The following JMJD7 variants were observed in gnomAD, a reference collection of about 807,000 sequenced individuals.
JMJD7 encodes the protein jumonji domain containing 7, also known as bifunctional peptidase and (3S)-lysyl hydroxylase JMJD7.
Under a neutral mutation model 41.1 loss-of-function variants are expected in JMJD7, and 41 were observed. The observed-to-expected ratio is 1.00, with a 90% CI of 0.78 to 1.30. The LOEUF is 1.30. JMJD7 is among the 50% of genes most tolerant of loss of function. The pLI, the probability that JMJD7 is intolerant of heterozygous loss-of-function variation, is 0.00. For synonymous variants in JMJD7, 202 were observed against 177.2 expected (o/e 1.14, Z -1.11); for missense variants, 480 against 420.7 (o/e 1.14, Z -1.23).
chr15:41,837,018 T>C, intron 7 of JMJD7, 50 bp from the exon 8 acceptor site: 1 of 1,609,972 alleles, frequency 6.2e-7, no homozygotes, highest in Non-Finnish European at 8.5e-7. Flanking sequence ...CTTGGGAGGC[T>C]CTAGGTCAGA....
At position 41,837,264 on chromosome 15, in the gene JMJD7, C is replaced by T. The variant is rs2065338938; in HGVS notation, c.*108C>T. The stretch of plus-strand genomic sequence containing the variant: ...TGGAGTGTGCATGCTGGCTGCTGGC[C>T]CCGGGTCCAGCATGGCTTGAGATCA... On this transcript the variant is annotated 3_prime_UTR_variant, in exon 8 of 8. Transcript: ENST00000397299. 1.4e-6 allele frequency: 1 copy of T among 731,298 alleles called. No individual in the cohort carries two copies. The allele number at this position is 731,298 out of a possible 1,614,324, so 45.3% of individuals were successfully genotyped here. A position where few individuals can be genotyped will look rare whatever the true frequency, so the allele number is the denominator to read the frequency against.
intron 1 of JMJD7, among the ~76,000 whole-genome samples, chr15:41,833,414 A>ATATATATTTTTTTT (rs1239528383): frequency 5.0e-4 from 16 of 32,010 alleles, no homozygotes; most frequent in Non-Finnish European, 7.3e-4. Context: ...ATATATATAT[A>ATATATATTTTTTTT]TTTTTTTTTT....
At chr15:41,835,390 T>A (rs891145261) in intron 3 of JMJD7, among the ~76,000 whole-genome samples, 167 bp downstream of exon 3, 2 of 152,202 alleles carry the variant, frequency 1.3e-5, no homozygotes, top group Non-Finnish European at 1.5e-5. Flanking sequence ...CATAGATGAA[T>A]TGCCAAAGAT....
Position 41,837,435 on chromosome 15 carries a change from G to A in JMJD7, c.*279G>A, listed in dbSNP as rs2065342538. On this transcript the variant is annotated 3_prime_UTR_variant, in exon 8 of 8. Coordinates refer to ENST00000397299, the MANE Select transcript of JMJD7 (RefSeq NM_001114632.2). ...TCCCCAGCGCTGTGATGTTGGGCGA[G>A]TCACTGCGTCTCGGGCATTGGTGTC... The A allele has an allele frequency of 2.0e-6, 1 of 500,976 alleles. No individual in the cohort carries two copies. Among genetic ancestry groups the A allele is most frequent in the Non-Finnish European group, 3.5e-6 (1 of 281,806 alleles). The allele number at this position is 500,976 out of a possible 1,614,324, so 31.0% of individuals were successfully genotyped here. A position where few individuals can be genotyped will look rare whatever the true frequency, so the allele number is the denominator to read the frequency against.
At chr15:41,830,386 T>C (rs1250945331) in intron 1 of JMJD7, among the ~76,000 whole-genome samples, 1 of 152,254 alleles carries the variant, frequency 6.6e-6, no homozygotes, top group African/African-American at 2.4e-5. Flanking sequence ...CCATGCCATA[T>C]GCACCTTGCC....
chr15:41,837,107 G>T lies in JMJD7; in HGVS notation c.902G>T (p.Ser301Ile). The part of the protein sequence containing the change: ...WYDMEYDLKY[S>I]YFQLLDSLTK... ...GACATGGAATACGACCTCAAGTATAGTTACTTCCAGCTGCTCGACTCCCTC... is the reference window on the plus strand; with the variant it reads ...GACATGGAATACGACCTCAAGTATATTTACTTCCAGCTGCTCGACTCCCTC... The change falls in exon 8 of 8, where the codon AGT becomes ATT. Residue 301 changes from serine (S) to isoleucine (I), a missense_variant. Physicochemically the swap from Ser to Ile is moderately radical, Grantham distance 142. Coordinates refer to ENST00000397299, the MANE Select transcript of JMJD7 (RefSeq NM_001114632.2). The T allele has an allele frequency of 2.5e-6, 4 of 1,613,760 alleles. No individual in the cohort carries two copies. Among genetic ancestry groups the T allele is most frequent in the Non-Finnish European group, 3.4e-6 (4 of 1,179,772 alleles).
Position 41,835,145 on chromosome 15 carries a change from T to C in JMJD7, c.394T>C (p.Cys132Arg), listed in dbSNP as rs957315623. 4.4e-6 allele frequency: 7 copies of C among 1,607,912 alleles called. No individual in the cohort carries two copies. Among genetic ancestry groups the C allele is most frequent in the Non-Finnish European group, 5.9e-6 (7 of 1,179,988 alleles). Residue 132 changes from cysteine to arginine, a missense_variant, in exon 3 of 8, where the codon TGC becomes CGC. Coordinates refer to ENST00000397299, the MANE Select transcript of JMJD7 (RefSeq NM_001114632.2). ...HPGVLYVQKQ[C>R]SNLPSELPQL... ...TGGAGTCCTCTATGTGCAGAAGCAG[T>C]GCTCCAACCTGCCCAGCGAGCTGCC...
At chr15:41,833,793 A>G (rs4923917) in intron 1 of JMJD7, among the ~76,000 whole-genome samples, 83,726 of 151,748 alleles carry the variant, frequency 0.55, 23,436 homozygotes, top group African/African-American at 0.59. Flanking sequence ...AAAGATTTGC[A>G]GCAGGGGGAC....
chr15:41,836,839 G>GTCAGGC lies in JMJD7; in HGVS notation c.762_767dup (p.Gln257_Ala258dup). 1.9e-6 allele frequency: 3 copies of GTCAGGC among 1,613,038 alleles called. No homozygotes were observed. The highest frequency in any genetic ancestry group is 2.5e-6 in the Non-Finnish European group (3 of 1,179,718). On this transcript the variant is annotated inframe_insertion, in exon 7 of 8. Transcript: ENST00000397299. ...GACCTAGCACGGTACCCTAGTTACA[G>GTCAGGC]TCAGGCCCAGGCCCTTCGCTGCACG...
At chr15:41,830,764 T>C (rs547699231) in intron 1 of JMJD7, among the ~76,000 whole-genome samples, 1 of 152,344 alleles carries the variant, frequency 6.6e-6, no homozygotes, top group South Asian at 2.1e-4. Context: ...GATCAGATCA[T>C]GGAGCAAAGT....
chr15:41,828,135 C>G lies in JMJD7; in HGVS notation c.11C>G (p.Ala4Gly), dbSNP rs371932277. 14 of 1,466,896 alleles carry G rather than the reference C, an allele frequency of 9.5e-6. No homozygotes were observed. Among genetic ancestry groups the G allele is most frequent in the South Asian group, 1.4e-5 (1 of 70,664 alleles). 90.9% of individuals were successfully genotyped at this position (1,466,896 alleles called of 1,614,324 possible). Residue 4 changes from alanine (A) to glycine (G), a missense_variant, in exon 1 of 8, where the codon GCG becomes GGG. Coordinates refer to ENST00000397299, the MANE Select transcript of JMJD7 (RefSeq NM_001114632.2). ...GGCGCTGACGCAGCCATGGCGGAGGCGGCTTTGGAAGCCGTGCGGAGCGAG... is the reference window on the plus strand; with the variant it reads ...GGCGCTGACGCAGCCATGGCGGAGGGGGCTTTGGAAGCCGTGCGGAGCGAG... MAE[A>G]ALEAVRSELR...
chr15:41,829,198 G>T (rs1352703126), intron 1 of JMJD7: 2 of 152,268 alleles, frequency 1.3e-5, no homozygotes, highest in Non-Finnish European at 2.9e-5. Flanking sequence ...AGGTTAGAAG[G>T]TAAGTGCAGG....
In JMJD7 at chr15:41,835,076, CTGAGCTTCG is replaced by C. The variant is rs1397595743; in HGVS notation, c.328_336del (p.Ser110_Val112del). 3 of 1,613,784 alleles carry C rather than the reference CTGAGCTTCG, an allele frequency of 1.9e-6. No individual in the cohort carries two copies. The East Asian group carries it at 6.7e-5, about 36-fold the overall frequency. ...GATGCCAGCTGAGCGCCGCCTGCCC[CTGAGCTTCG>C]TGCTGGATGTGCTGGAGGGCCGGGC... On this transcript the variant is annotated inframe_deletion, in exon 3 of 8. Coordinates refer to ENST00000397299, the MANE Select transcript of JMJD7 (RefSeq NM_001114632.2).
chr15:41,834,774 C>G lies in JMJD7; in HGVS notation c.99C>G (p.Asp33Glu). 3.1e-6 allele frequency: 5 copies of G among 1,614,200 alleles called. No individual in the cohort carries two copies. The highest frequency in any genetic ancestry group is 4.2e-6 in the Non-Finnish European group (5 of 1,180,038). The change falls in exon 2 of 8, where the codon GAC becomes GAG. Residue 33 changes from aspartate to glutamate, a missense_variant. Asp to Glu is a conservative substitution (Grantham distance 45). Transcript: ENST00000397299. ...LCVPLAVPYL[D>E]KPPTPLHFYR... ...TGCCTCTTGCTGTGCCCTACCTGGA[C>G]AAACCCCCAACTCCGCTCCACTTCT...
At position 41,835,497 on chromosome 15, in the gene JMJD7, G is replaced by A. The variant is rs150809810; in HGVS notation, c.473-91G>A. The A allele has an allele frequency of 7.6e-4, 1,169 of 1,538,328 alleles. 9 individuals are homozygous for A. In the African/African-American group the frequency reaches 0.015, roughly 19 times the overall value. On this transcript the variant is annotated intron_variant, in intron 3 of 7. Transcript: ENST00000397299. ...CTGACCCCTTTCTTGGGATTCTTCT[G>A]TGCTCACCCAGGTTTTGGCTCTGGC... is the stretch of plus-strand genomic sequence containing the variant.
intron 1 of JMJD7, among the ~76,000 whole-genome samples, chr15:41,830,682 G>C (rs1381243811): frequency 6.6e-6 from 1 of 152,232 alleles, no homozygotes; most frequent in African/African-American, 2.4e-5. Context: ...GACCCAGGAA[G>C]GCCCCTTCCT....
chr15:41,835,966 C>G, intron 4 of JMJD7, 182 bp from the exon 5 acceptor site: 4 of 626,708 alleles, frequency 6.4e-6, no homozygotes, highest in Non-Finnish European at 7.9e-6. Context: ...GCATCAGGTC[C>G]CTGGTAGGCA....
chr15:41,836,301 G>C, intron 5 of JMJD7, 58 bp downstream of exon 5: 1 of 1,603,824 alleles, frequency 6.2e-7, no homozygotes, highest in Non-Finnish European at 8.5e-7. Flanking sequence ...GGGGGAGGGA[G>C]GCAGCAAGAG....
In JMJD7 at chr15:41,837,254, G is replaced by A; in HGVS notation, c.*98G>A. ...CGAGAGAGCCTGGAGTGTGCATGCT[G>A]GCTGCTGGCCCCGGGTCCAGCATGG... On this transcript the variant is annotated 3_prime_UTR_variant, in exon 8 of 8. Transcript: ENST00000397299. The A allele has an allele frequency of 1.3e-6, 1 of 798,480 alleles. No individual in the cohort carries two copies. Among genetic ancestry groups the A allele is most frequent in the Non-Finnish European group, 2.0e-6 (1 of 487,816 alleles). 49.5% of individuals were successfully genotyped at this position (798,480 alleles called of 1,614,324 possible). A position where few individuals can be genotyped will look rare whatever the true frequency, so the allele number is the denominator to read the frequency against.
Sources: allele counts gnomAD v4.1 joint callset (sites outside exome capture counted in the v4.1 genomes callset), GRCh38; gene constraint gnomAD v4.1.1; transcripts MANE v1.5; gene names NCBI Gene and HGNC (gene_info 2026-07-23, HGNC 2026-07-21).